AFF2: variants seen among roughly 807,000 people sequenced by gnomAD.
AFF2 encodes AF4/FMR2 family member 2.
A neutral mutation model predicts 76.9 loss-of-function variants in AFF2; 14 were observed. That is an observed-to-expected ratio of 0.18 (90% CI 0.12 to 0.28). AFF2 has a LOEUF of 0.28. Among genes scored for constraint, AFF2 ranks in the 10% least tolerant of loss-of-function variants. The pLI is 1.00. For synonymous variants in AFF2, 398 were observed against 366.7 expected (o/e 1.09, Z -0.98); for missense variants, 868 against 1,001.1 (o/e 0.87, Z 1.79).
At chrX:148,665,898 T>G (rs1557258389) in intron 3 of AFF2, among the ~76,000 whole-genome samples, 1 of 112,010 alleles carries the variant, frequency 8.9e-6, no homozygotes, top group Admixed American at 9.5e-5. Context: ...AGTATTTCTT[T>G]GAGTATTCTC....
chrX:148,898,936 A>T (rs1603337095), intron 8 of AFF2, among the ~76,000 whole-genome samples: 1 of 112,208 alleles, frequency 8.9e-6, no homozygotes, highest in East Asian at 2.8e-4. Context: ...AGAATGAATA[A>T]AGTTAAAATG....
chrX:148,815,587 G>C (rs1251158108), intron 4 of AFF2, among the ~76,000 whole-genome samples: 1 of 111,630 alleles, frequency 9.0e-6, no homozygotes, highest in Non-Finnish European at 1.9e-5. Context: ...GCTTCCAAAT[G>C]CACTTAGAAC....
chrX:148,681,383 G>T lies in AFF2; in HGVS notation c.1041+18615G>T, dbSNP rs920923572. Among the ~76,000 whole-genome samples the T allele has an allele frequency of 4.5e-5, 5 of 110,967 alleles. No individual in the cohort carries two copies. The Admixed American group carries it at 4.8e-4, about 11-fold the overall frequency. Reference sequence around the variant, plus strand: ...TTTCTTACCAATTAACAGATTATTTGTATTTTAGAATAATCCTCAACATGC... The same window carrying T: ...TTTCTTACCAATTAACAGATTATTTTTATTTTAGAATAATCCTCAACATGC... On this transcript the variant is annotated intron_variant, in intron 3 of 20. Coordinates refer to ENST00000370460, the MANE Select transcript of AFF2 (RefSeq NM_002025.4).
intron 3 of AFF2, among the ~76,000 whole-genome samples, chrX:148,675,100 A>T (rs2054468387): frequency 1.8e-5 from 2 of 111,475 alleles, no homozygotes; most frequent in Non-Finnish European, 1.9e-5. Flanking sequence ...GGACTTCTGG[A>T]GGAGGCTAGA....
At chrX:148,677,590 GT>G (rs1285246619) in intron 3 of AFF2, among the ~76,000 whole-genome samples, 11 of 112,238 alleles carry the variant, frequency 9.8e-5, no homozygotes, top group African/African-American at 3.6e-4. Context: ...ATTATGTTTT[GT>G]CTTTTGTAGT....
intron 20 of AFF2, 68 bp downstream of exon 20, chrX:148,987,625 T>TG: frequency 1.0e-6 from 1 of 954,774 alleles, no homozygotes; most frequent in Non-Finnish European, 1.5e-6. Flanking sequence ...TTGAAGGACT[T>TG]GAGTTGTACT....
In AFF2 at chrX:148,697,263, A is replaced by G. The variant is rs569847594; in HGVS notation, c.1041+34495A>G. 1.2e-4 allele frequency among the ~76,000 whole-genome samples: 13 copies of G among 112,386 alleles called. No individual in the cohort carries two copies. The South Asian group carries it at 4.4e-3, about 38-fold the overall frequency. On this transcript the variant is annotated intron_variant, in intron 3 of 20. Transcript: ENST00000370460. ...AGTTAAAAGATTTACAATTTTATGG[A>G]TGAAGTTATAATATAATTTTTAATA...
intron 1 of AFF2, among the ~76,000 whole-genome samples, chrX:148,601,126 T>C (rs1361586939): frequency 8.9e-6 from 1 of 112,854 alleles, no homozygotes; most frequent in Non-Finnish European, 1.9e-5. Flanking sequence ...TTTTGCTCTT[T>C]GGGAAGATCT....
intron 9 of AFF2, among the ~76,000 whole-genome samples, chrX:148,952,070 TGAG>T (rs1287088160): frequency 9.0e-6 from 1 of 111,192 alleles, no homozygotes; most frequent in Non-Finnish European, 1.9e-5. Flanking sequence ...TAGTGACTGA[TGAG>T]GAGCCTGTGC....
intron 1 of AFF2, among the ~76,000 whole-genome samples, chrX:148,501,346 G>T: frequency 8.9e-6 from 1 of 112,500 alleles, no homozygotes; most frequent in Admixed American, 9.3e-5. Context: ...AAGAGGGAGG[G>T]ATGCGGACCC....
At chrX:148,752,553 G>A (rs2055514632) in intron 3 of AFF2, among the ~76,000 whole-genome samples, 1 of 111,920 alleles carries the variant, frequency 8.9e-6, no homozygotes, top group South Asian at 3.7e-4. Flanking sequence ...AGAATGTCAT[G>A]TTCACATTAG....
intron 9 of AFF2, among the ~76,000 whole-genome samples, chrX:148,922,966 GA>G (rs1176517394): frequency 2.7e-5 from 3 of 111,936 alleles, no homozygotes; most frequent in Non-Finnish European, 5.6e-5. Context: ...TTCAAATTCA[GA>G]ACAGTTTATT....
chrX:148,982,152 G>A (rs1557290952), intron 19 of AFF2, among the ~76,000 whole-genome samples: 1 of 111,896 alleles, frequency 8.9e-6, no homozygotes, highest in Non-Finnish European at 1.9e-5. Context: ...AAAAAATTCT[G>A]AAACGCAAGA....
At chrX:148,890,099 C>G (rs1557279581) in intron 8 of AFF2, among the ~76,000 whole-genome samples, 2 of 111,962 alleles carry the variant, frequency 1.8e-5, no homozygotes, top group Non-Finnish European at 3.8e-5. Context: ...CTGTATATGG[C>G]AAACTTGAAT....
intron 2 of AFF2, among the ~76,000 whole-genome samples, chrX:148,654,243 C>A (rs890414866): frequency 1.8e-5 from 2 of 111,453 alleles, no homozygotes; most frequent in Non-Finnish European, 3.8e-5. Context: ...TCAGAGAGGT[C>A]AGGAAAGGTA....
intron 9 of AFF2, among the ~76,000 whole-genome samples, chrX:148,906,216 T>A (rs1557281415): frequency 8.9e-6 from 1 of 112,048 alleles, no homozygotes; most frequent in Non-Finnish European, 1.9e-5. Context: ...TCAAAGTTTT[T>A]AAAAAGTTTT....
At chrX:148,776,842 A>C (rs2069673695) in intron 3 of AFF2, among the ~76,000 whole-genome samples, 1 of 111,988 alleles carries the variant, frequency 8.9e-6, no homozygotes, top group African/African-American at 3.2e-5. Flanking sequence ...TGTGCTGTGC[A>C]GAAGCTTTTT....
intron 3 of AFF2, among the ~76,000 whole-genome samples, chrX:148,720,654 T>C (rs948615419): frequency 2.0e-4 from 22 of 108,054 alleles, no homozygotes; most frequent in Admixed American, 3.9e-4. Context: ...TGGAAGCATA[T>C]TTGTTAGTAA....
intron 3 of AFF2, among the ~76,000 whole-genome samples, chrX:148,784,967 C>T (rs1206673741): frequency 9.0e-6 from 1 of 111,593 alleles, no homozygotes; most frequent in East Asian, 2.9e-4. Flanking sequence ...TCTGGCAAGC[C>T]TTTCACTTGG....
Sources: gnomAD v4.1 joint callset for allele counts (sites outside exome capture counted in the v4.1 genomes callset) on GRCh38, gnomAD v4.1.1 for gene constraint, MANE v1.5 for transcripts, NCBI Gene and HGNC (gene_info 2026-07-23, HGNC 2026-07-21) for gene names.